The following KSR2 variants were observed in gnomAD, a reference collection of about 807,000 sequenced individuals.
KSR2 encodes the protein kinase suppressor of ras 2.
A neutral mutation model predicts 107.8 loss-of-function variants in KSR2; 25 were observed. That is an observed-to-expected ratio of 0.23 (90% CI 0.17 to 0.32). The LOEUF is 0.32. Among genes scored for constraint, KSR2 ranks in the 10% least tolerant of loss-of-function variants. KSR2 has a pLI of 1.00. For synonymous variants in KSR2, 480 were observed against 507.0 expected (o/e 0.95, Z 0.71); for missense variants, 887 against 1,268.9 (o/e 0.70, Z 4.57).
intron 3 of KSR2, among the ~76,000 whole-genome samples, chr12:117,763,022 T>C (rs1169740343): frequency 6.6e-6 from 1 of 152,152 alleles, no homozygotes; most frequent in Admixed American, 6.6e-5. Flanking sequence ...GTATATCTCC[T>C]AATGCTATCC....
At chr12:117,734,170 A>G (rs1887841853) in intron 4 of KSR2, among the ~76,000 whole-genome samples, 1 of 151,734 alleles carries the variant, frequency 6.6e-6, no homozygotes, top group Non-Finnish European at 1.5e-5. Context: ...AGTCCCAGCT[A>G]CTCGGGAGGC....
chr12:117,517,444 CAGTTTTTTA>C (rs1369022096), intron 14 of KSR2, among the ~76,000 whole-genome samples: 1 of 152,150 alleles, frequency 6.6e-6, no homozygotes, highest in African/African-American at 2.4e-5. Flanking sequence ...ATAAGATACA[CAGTTTTTTA>C]AAGTGATGAC....
intron 1 of KSR2, among the ~76,000 whole-genome samples, chr12:117,924,593 A>AG (rs1446620961): frequency 4.9e-4 from 73 of 149,548 alleles, no homozygotes; most frequent in African/African-American, 1.8e-3. Flanking sequence ...AAAAAAAAAA[A>AG]AAAGAAAGAA....
intron 14 of KSR2, among the ~76,000 whole-genome samples, chr12:117,495,628 C>T (rs1872977853): frequency 6.6e-6 from 1 of 152,216 alleles, no homozygotes; most frequent in Admixed American, 6.5e-5. Flanking sequence ...TTTGTTAATG[C>T]AGGCCCTCCC....
At chr12:117,763,060 T>G (rs1391906308) in intron 3 of KSR2, among the ~76,000 whole-genome samples, 2 of 151,832 alleles carry the variant, frequency 1.3e-5, no homozygotes, top group Admixed American at 6.6e-5. Flanking sequence ...CCCACAACAG[T>G]CCCCAGAGTG....
chr12:117,794,240 C>T (rs1489797880), intron 3 of KSR2, among the ~76,000 whole-genome samples: 2 of 74,404 alleles, frequency 2.7e-5, no homozygotes, highest in African/African-American at 1.5e-4. Context: ...CATGCACACT[C>T]ACACCAACAT....
In KSR2 at chr12:117,627,614, C is replaced by T. The variant is rs549075550; in HGVS notation, c.1171+39860G>A. ...TCCCTTTGTGGGTAACCTGACCTTTCTCTCTGGCTGCCCTTAACACTTTTT... is the reference window on the plus strand; with the variant it reads ...TCCCTTTGTGGGTAACCTGACCTTTTTCTCTGGCTGCCCTTAACACTTTTT... On this transcript the variant is annotated intron_variant, in intron 5 of 19. Coordinates refer to ENST00000339824, the MANE Select transcript of KSR2 (RefSeq NM_173598.6). Among the ~76,000 whole-genome samples the T allele has an allele frequency of 1.2e-3, 179 of 152,330 alleles. 1 individual carries two copies. Among genetic ancestry groups the T allele is most frequent in the African/African-American group, 4.1e-3 (171 of 41,572 alleles).
At chr12:117,640,159 G>A (rs891503183) in intron 5 of KSR2, among the ~76,000 whole-genome samples, 20 of 152,096 alleles carry the variant, frequency 1.3e-4, no homozygotes, top group African/African-American at 4.6e-4. Context: ...ATCAAGACAC[G>A]CTTCACTTAG....
chr12:117,871,629 G>C (rs1443947809), intron 1 of KSR2, among the ~76,000 whole-genome samples: 1 of 151,600 alleles, frequency 6.6e-6, no homozygotes, highest in Non-Finnish European at 1.5e-5. Flanking sequence ...AAACCACACA[G>C]CAGCCAAAAC....
chr12:117,882,282 G>A (rs1338543591), intron 1 of KSR2, among the ~76,000 whole-genome samples: 2 of 152,266 alleles, frequency 1.3e-5, no homozygotes, highest in East Asian at 1.9e-4. Context: ...CTCTGGAGGA[G>A]GTGGCATATA....
At chr12:117,801,838 T>TG (rs144345100) in intron 3 of KSR2, among the ~76,000 whole-genome samples, 3 of 84,356 alleles carry the variant, frequency 3.6e-5, no homozygotes, top group African/African-American at 1.1e-4. Flanking sequence ...GGAAGTACCG[T>TG]GGGGGGAAGA....
At chr12:117,855,942 C>T (rs1413294320) in intron 2 of KSR2, among the ~76,000 whole-genome samples, 2 of 152,146 alleles carry the variant, frequency 1.3e-5, no homozygotes, top group African/African-American at 4.8e-5. Context: ...CTCTCAGTGC[C>T]TCCCACTCTG....
chr12:117,653,558 G>C (rs990093921), intron 5 of KSR2, among the ~76,000 whole-genome samples: 1 of 152,302 alleles, frequency 6.6e-6, no homozygotes, highest in Admixed American at 6.5e-5. Flanking sequence ...CAAACACACG[G>C]GACTTATTGG....
At chr12:117,710,980 G>A (rs557570294) in intron 4 of KSR2, among the ~76,000 whole-genome samples, 23 of 152,116 alleles carry the variant, frequency 1.5e-4, no homozygotes, top group Non-Finnish European at 2.5e-4. Context: ...ATCCTTTAGC[G>A]CTTGTCTCAA....
At chr12:117,507,798 T>C (rs1873790660) in intron 14 of KSR2, among the ~76,000 whole-genome samples, 1 of 152,210 alleles carries the variant, frequency 6.6e-6, no homozygotes, top group Non-Finnish European at 1.5e-5. Flanking sequence ...TAAATTGTTA[T>C]GAGTTGGGAG....
At chr12:117,667,305 C>A (rs1006963428) in intron 5 of KSR2, among the ~76,000 whole-genome samples, 169 bp downstream of exon 5, 3 of 152,146 alleles carry the variant, frequency 2.0e-5, no homozygotes, top group African/African-American at 2.4e-5. Context: ...GTGGCATAGG[C>A]AGATGGGGGG....
chr12:117,917,321 C>T (rs1722839434), intron 1 of KSR2, among the ~76,000 whole-genome samples: 1 of 152,112 alleles, frequency 6.6e-6, no homozygotes, highest in African/African-American at 2.4e-5. Flanking sequence ...CAGGAGGATC[C>T]ATTGAGGGCA....
At chr12:117,660,245 C>A (rs892629516) in intron 5 of KSR2, among the ~76,000 whole-genome samples, 5 of 152,104 alleles carry the variant, frequency 3.3e-5, no homozygotes, top group African/African-American at 9.7e-5. Flanking sequence ...AATAAAATAC[C>A]AAAAACTGGT....
chr12:117,790,042 C>G (rs1301832131), intron 3 of KSR2, among the ~76,000 whole-genome samples: 1 of 152,168 alleles, frequency 6.6e-6, no homozygotes. Context: ...CACCTGGACC[C>G]CTGCCAAGGT....
Sources: allele counts gnomAD v4.1 joint callset (sites outside exome capture counted in the v4.1 genomes callset), GRCh38; gene constraint gnomAD v4.1.1; transcripts MANE v1.5; gene names NCBI Gene and HGNC (gene_info 2026-07-23, HGNC 2026-07-21).